Variants in SPO11 observed in about 807,000 individuals in gnomAD.
SPO11 encodes the protein meiotic recombination protein SPO11.
SPO11 carries 49 observed loss-of-function variants against 51.6 expected under a neutral mutation model. The ratio of observed to expected loss-of-function variants is 0.95; its 90% CI spans 0.75 to 1.20. The LOEUF (loss-of-function observed/expected upper bound fraction) is 1.20, where lower values mean the gene tolerates loss of function less well. SPO11 is among the 50% of genes most tolerant of loss of function. The pLI, the probability that SPO11 is intolerant of heterozygous loss-of-function variation, is 0.00. For synonymous variants in SPO11, 176 were observed against 158.2 expected (o/e 1.11, Z -0.84); for missense variants, 431 against 473.4 (o/e 0.91, Z 0.83).
intron 9 of SPO11, 40 bp downstream of exon 9, chr20:57,338,415 T>A: frequency 2.3e-6 from 3 of 1,317,698 alleles, no homozygotes; most frequent in Non-Finnish European, 3.2e-6. Flanking sequence ...TAGTCATAAC[T>A]AAATCATATT....
chr20:57,331,986 A>G (rs763599835), intron 2 of SPO11, 40 bp downstream of exon 2: 11 of 1,163,522 alleles, frequency 9.5e-6, no homozygotes, highest in East Asian at 2.5e-5. Flanking sequence ...TGCAATATCT[A>G]TGTCATTATT....
chr20:57,333,065 C>T (rs932451652), intron 2 of SPO11, 123 bp from the exon 3 acceptor site: 9 of 649,556 alleles, frequency 1.4e-5, no homozygotes, highest in Non-Finnish European at 2.3e-5. Context: ...CCTAAAGCTT[C>T]AGTGCTTAAA....
In SPO11 at chr20:57,334,739, A is replaced by AT. The variant is rs766072958; in HGVS notation, c.511-5dup. On this transcript the variant is annotated splice_polypyrimidine_tract_variant and intron_variant, in intron 5 of 12. Transcript: ENST00000371263. ...GAAGCAGGTTTCAAATATGTCTATT[A>AT]TTTTTTGCAGTTATCTACATCAAAA... The AT allele has an allele frequency of 3.1e-6, 5 of 1,610,690 alleles. No homozygotes were observed. In the African/African-American group the frequency reaches 6.7e-5, roughly 22 times the overall value.
rs761340956 is a variant in SPO11, at chr20:57,331,965, T to C, written c.245+19T>C. On this transcript the variant is annotated intron_variant, in intron 2 of 12. Coordinates refer to ENST00000371263, the MANE Select transcript of SPO11 (RefSeq NM_012444.3). ...ACATAAAGTGGGCATTTTGCATTTTTATTTTTTAAATGCAATATCTATGTC... is the reference window on the plus strand; with the variant it reads ...ACATAAAGTGGGCATTTTGCATTTTCATTTTTTAAATGCAATATCTATGTC... 21 of 1,414,986 alleles carry C rather than the reference T, an allele frequency of 1.5e-5. No individual in the cohort carries two copies. In the South Asian group the frequency reaches 2.5e-4, roughly 17 times the overall value. 87.7% of individuals were successfully genotyped at this position (1,414,986 alleles called of 1,614,324 possible).
Position 57,333,268 on chromosome 20 carries a change from A to G in SPO11, c.326A>G (p.Gln109Arg), listed in dbSNP as rs772911189. 8 of 1,603,808 alleles carry G rather than the reference A, an allele frequency of 5.0e-6. No individual in the cohort carries two copies. The African/African-American group carries it at 1.1e-4, about 22-fold the overall frequency. The change falls in exon 3 of 13, where the codon CAA (glutamine) becomes CGA (arginine). Residue 109 changes from glutamine to arginine, a missense_variant. Physicochemically the swap from Gln to Arg is conservative, Grantham distance 43. Coordinates refer to ENST00000371263, the MANE Select transcript of SPO11 (RefSeq NM_012444.3). The part of the protein sequence containing the change: ...KIKSDSPKSA[Q>R]KFSLILKILS... ...AAAAGTGATTCACCAAAATCAGCTC[A>G]AAAATTTTGTAAGTTAATTGTTCTT...
At chr20:57,334,922 T>G (rs2066493979) in intron 6 of SPO11, 86 bp downstream of exon 6, 3 of 1,146,146 alleles carry the variant, frequency 2.6e-6, no homozygotes, top group Non-Finnish European at 3.8e-6. Context: ...TGCTTTATTA[T>G]GTAACCTAGA....
intron 11 of SPO11, among the ~76,000 whole-genome samples, chr20:57,342,192 A>AGTGTGTGT (rs57588313): frequency 6.6e-6 from 1 of 151,476 alleles, no homozygotes; most frequent in African/African-American, 2.4e-5. Flanking sequence ...AAGTGATAAA[A>AGTGTGTGT]GTGTGTGTGT....
At chr20:57,335,625 T>C (rs2066503409) in intron 7 of SPO11, among the ~76,000 whole-genome samples, 170 bp downstream of exon 7, 2 of 152,162 alleles carry the variant, frequency 1.3e-5, no homozygotes, top group South Asian at 4.1e-4. Flanking sequence ...GCTCACCATC[T>C]AGTGGAAGAG....
At position 57,343,630 on chromosome 20, in the gene SPO11, T is replaced by G; in HGVS notation, c.*170T>G. ...TGTCAAAACAAATGCTGTACTCCAA[T>G]TTTCTTTGCAAGGCCTTATTCTTGC... On this transcript the variant is annotated 3_prime_UTR_variant, in exon 13 of 13. Transcript: ENST00000371263. 1 of 715,832 alleles carries G rather than the reference T, an allele frequency of 1.4e-6. No individual in the cohort carries two copies. 44.3% of individuals were successfully genotyped at this position (715,832 alleles called of 1,614,324 possible).
Position 57,329,873 on chromosome 20 carries a change from C to T in SPO11, c.6C>T (p.Ala2=), listed in dbSNP as rs529280236. The change falls in exon 1 of 13, where the codon GCC becomes GCT. Residue 2 remains alanine, a synonymous_variant. Transcript: ENST00000371263. Reference sequence around the variant, plus strand: ...TCTGGCAGCCGTCTGCCCTCATGGCCTTTGCACCTATGGGGCCCGAGGCCT... The same window carrying T: ...TCTGGCAGCCGTCTGCCCTCATGGCTTTTGCACCTATGGGGCCCGAGGCCT... M[A]FAPMGPEASF... is the part of the protein sequence containing the mutation. The T allele has an allele frequency of 6.8e-6, 11 of 1,613,500 alleles. No individual in the cohort carries two copies. The South Asian group carries it at 1.1e-4, about 16-fold the overall frequency.
intron 1 of SPO11, among the ~76,000 whole-genome samples, chr20:57,330,799 G>C (rs2066439993): frequency 6.6e-6 from 1 of 152,180 alleles, no homozygotes; most frequent in African/African-American, 2.4e-5. Context: ...GGGAGAACTT[G>C]GGAGAGTGAG....
intron 8 of SPO11, 94 bp from the exon 9 acceptor site, chr20:57,338,182 C>T (rs1027312579): frequency 8.6e-6 from 8 of 930,470 alleles, no homozygotes; most frequent in Admixed American, 7.0e-5. Flanking sequence ...TGAACCACTG[C>T]GTCCAGCCTA....
rs140338503 is a variant in SPO11 at position 57,338,332 on chromosome 20, A to G, written c.801A>G (p.Thr267=). 48 of 1,613,932 alleles carry G rather than the reference A, an allele frequency of 3.0e-5. No homozygotes were observed. Among genetic ancestry groups the G allele is most frequent in the Non-Finnish European group, 3.9e-5 (46 of 1,179,896 alleles). ...TTTTAGTCAAGAAACTGTGGGATAC[A>G]TTTCATGTTCCTGTTTTCACTCTTG... ...TRLLVKKLWD[T]FHVPVFTLVD... is the part of the protein sequence containing the mutation. Residue 267 remains threonine (T), a synonymous_variant, in exon 9 of 13, where the codon ACA becomes ACG. Transcript: ENST00000371263.
At chr20:57,335,558 G>T in intron 7 of SPO11, 103 bp downstream of exon 7, 1 of 1,180,502 alleles carries the variant, frequency 8.5e-7, no homozygotes. Flanking sequence ...AACAAGTTAG[G>T]CCCTGTAGCA....
At position 57,340,179 on chromosome 20, in the gene SPO11, G is replaced by T. The variant is rs1212700410; in HGVS notation, c.959+1G>T. The T allele has an allele frequency of 3.2e-6, 5 of 1,587,198 alleles. No homozygotes were observed. On this transcript the variant is annotated splice_donor_variant, in intron 11 of 12. Coordinates refer to ENST00000371263, the MANE Select transcript of SPO11 (RefSeq NM_012444.3). LOFTEE classifies it high-confidence loss of function. ...GTCTTCTCCCTTCTGATCTTAAAAG[G>T]TTAGATAGTATAGCAGAACTAGGAT...
rs149324083 is a variant in SPO11 at position 57,329,819 on chromosome 20, C to T, written c.-49C>T. On this transcript the variant is annotated 5_prime_UTR_variant, in exon 1 of 13. Coordinates refer to ENST00000371263, the MANE Select transcript of SPO11 (RefSeq NM_012444.3). The stretch of plus-strand genomic sequence containing the variant: ...AAGGCACGCAGCCACGCCCCAAGGG[C>T]GCAGCCTAGGACAGGGGCTTCTGGA... The T allele has an allele frequency of 3.9e-6, 6 of 1,557,856 alleles. No individual in the cohort carries two copies. The Admixed American group carries it at 7.9e-5, about 20-fold the overall frequency.
rs752035116 is a variant in SPO11, at chr20:57,331,994, A to T, written c.245+48A>T. On this transcript the variant is annotated intron_variant, in intron 2 of 12. Transcript: ENST00000371263. ...TTTTAAATGCAATATCTATGTCATT[A>T]TTAAAATTATTTGAATTAGAGTTCT... 78 of 1,107,676 alleles carry T rather than the reference A, an allele frequency of 7.0e-5. 1 individual carries two copies. The highest frequency in any genetic ancestry group is 1.7e-5 in the Non-Finnish European group (13 of 768,706). 68.6% of individuals were successfully genotyped at this position (1,107,676 alleles called of 1,614,324 possible).
At chr20:57,330,419 G>A (rs28368070) in intron 1 of SPO11, among the ~76,000 whole-genome samples, 8,133 of 151,964 alleles carry the variant, frequency 0.054, 537 homozygotes, top group African/African-American at 0.16. Flanking sequence ...GAAAGAAAAT[G>A]AGTGTTGTAT....
At chr20:57,334,921 A>T in intron 6 of SPO11, 85 bp downstream of exon 6, 1 of 1,164,202 alleles carries the variant, frequency 8.6e-7, no homozygotes, top group South Asian at 1.4e-5. Context: ...TTGCTTTATT[A>T]TGTAACCTAG....
Sources: allele counts gnomAD v4.1 joint callset (sites outside exome capture counted in the v4.1 genomes callset), GRCh38; gene constraint gnomAD v4.1.1; transcripts MANE v1.5; gene names NCBI Gene and HGNC (gene_info 2026-07-23, HGNC 2026-07-21).